The following LSM10 variants were observed in gnomAD, a reference collection of about 807,000 sequenced individuals.
LSM10 encodes the protein U7 snRNA-associated Sm-like protein LSm10.
A neutral mutation model predicts 5.2 loss-of-function variants in LSM10; 4 were observed. The ratio of observed to expected loss-of-function variants is 0.77; its 90% CI spans 0.38 to 1.77. The LOEUF (loss-of-function observed/expected upper bound fraction) is 1.77, where lower values mean the gene tolerates loss of function less well. Among genes scored for constraint, LSM10 ranks in the 40% most tolerant of loss-of-function variants. LSM10 has a pLI of 0.04. For missense variants in LSM10, 150 were observed against 171.6 expected, an observed-to-expected ratio of 0.87 and a Z score of 0.70; for synonymous variants, 63 against 67.4, an observed-to-expected ratio of 0.94 and a Z score of 0.32.
chr1:36,395,707 G>A (rs1439365531), intron 1 of LSM10, among the ~76,000 whole-genome samples: 1 of 151,802 alleles, frequency 6.6e-6, no homozygotes, highest in African/African-American at 2.4e-5. Flanking sequence ...GAATCCGGGA[G>A]GTGGAGGCTG....
intron 1 of LSM10, among the ~76,000 whole-genome samples, chr1:36,394,501 A>AT (rs1286830606): frequency 6.6e-6 from 1 of 152,038 alleles, no homozygotes; most frequent in African/African-American, 2.4e-5. Context: ...CCCAACTCTG[A>AT]TTTTTTAAAA....
intron 1 of LSM10, among the ~76,000 whole-genome samples, chr1:36,396,115 C>T (rs527797407): frequency 7.5e-6 from 1 of 132,918 alleles, no homozygotes; most frequent in Non-Finnish European, 1.7e-5. Context: ...CCCAGCTACT[C>T]GGGGGGCTGA....
intron 1 of LSM10, 69 bp downstream of exon 1, chr1:36,397,698 T>A (rs1647165438): frequency 6.6e-6 from 1 of 151,902 alleles, no homozygotes; most frequent in Non-Finnish European, 1.5e-5. Flanking sequence ...CTCCGGCACC[T>A]CCTTCCGGAG....
In LSM10 at chr1:36,393,955, A is replaced by AG; in HGVS notation, c.174dup (p.Tyr59LeufsTer13). 6.2e-7 allele frequency: 1 copy of AG among 1,614,260 alleles called. No homozygotes were observed. The highest frequency in any genetic ancestry group is 8.5e-7 in the Non-Finnish European group (1 of 1,180,040). On this transcript the variant is annotated frameshift_variant, in exon 2 of 2. Transcript: ENST00000315732. LOFTEE classifies it high-confidence loss of function. Reference sequence around the variant, plus strand: ...ACCTGATGCCCCCAACGGTCCGTGTAGGTGACTTTGGCCAGGCGGATGTTC... The same window carrying AG: ...ACCTGATGCCCCCAACGGTCCGTGTAGGGTGACTTTGGCCAGGCGGATGTTC...
At chr1:36,394,255 C>T (rs768883898) in intron 1 of LSM10, 102 bp from the exon 2 acceptor site, 8 of 1,126,054 alleles carry the variant, frequency 7.1e-6, no homozygotes, top group Non-Finnish European at 9.8e-6. Flanking sequence ...GCACAGACCA[C>T]CTCTGCAATT....
Position 36,393,661 on chromosome 1 carries a change from G to A in LSM10, c.*97C>T. ...GGACACCAGCTTCTGGCCTGGCCCTGCTTTCTTCTCGGGTACCAGACAGGG... is the reference window on the plus strand; with the variant it reads ...GGACACCAGCTTCTGGCCTGGCCCTACTTTCTTCTCGGGTACCAGACAGGG... On this transcript the variant is annotated 3_prime_UTR_variant, in exon 2 of 2. Coordinates refer to ENST00000315732, the MANE Select transcript of LSM10 (RefSeq NM_032881.3). The A allele has an allele frequency of 3.3e-6, 5 of 1,523,936 alleles. No individual in the cohort carries two copies. In the East Asian group the frequency reaches 9.0e-5, roughly 28 times the overall value. The allele number at this position is 1,523,936 out of a possible 1,614,324, so 94.4% of individuals were successfully genotyped here.
chr1:36,393,730 G>A lies in LSM10; in HGVS notation c.*28C>T, dbSNP rs537873381. The A allele has an allele frequency of 2.1e-5, 34 of 1,609,566 alleles. 1 individual carries two copies. In the African/African-American group the frequency reaches 4.1e-4, roughly 20 times the overall value. On this transcript the variant is annotated 3_prime_UTR_variant, in exon 2 of 2. Transcript: ENST00000315732. ...GCTCCGGAGATCACTGGAGGACTCC[G>A]AGTTGGGGCCAGGGCTTGCTGAGGG... is the stretch of plus-strand genomic sequence containing the variant.
At chr1:36,395,474 T>A (rs1156623478) in intron 1 of LSM10, among the ~76,000 whole-genome samples, 1 of 152,104 alleles carries the variant, frequency 6.6e-6, no homozygotes, top group Non-Finnish European at 1.5e-5. Flanking sequence ...GTGGAATTGC[T>A]GGAATTCAAA....
Position 36,394,038 on chromosome 1 carries a change from A to G in LSM10, c.92T>C (p.Val31Ala). The change falls in exon 2 of 2, where the codon GTG (valine) becomes GCG (alanine). Residue 31 changes from valine (V) to alanine (A), a missense_variant. Val to Ala is a moderately conservative substitution (Grantham distance 64). Transcript: ENST00000315732. ...LQGLQGRVTT[V>A]DLRDESVAHG... ...GGCCACGCTCTCATCCCGCAGGTCC[A>G]CAGTGGTTACCCGGCCCTGGAGGCC... 2 of 1,614,222 alleles carry G rather than the reference A, an allele frequency of 1.2e-6. No homozygotes were observed. Among genetic ancestry groups the G allele is most frequent in the Non-Finnish European group, 1.7e-6 (2 of 1,180,034 alleles).
intron 1 of LSM10, among the ~76,000 whole-genome samples, chr1:36,395,328 T>C (rs891619824): frequency 6.6e-6 from 1 of 152,198 alleles, no homozygotes; most frequent in South Asian, 2.1e-4. Context: ...ACATTGAGAA[T>C]GCAAGACAAA....
chr1:36,397,149 G>C (rs191689644), intron 1 of LSM10, among the ~76,000 whole-genome samples: 47 of 152,258 alleles, frequency 3.1e-4, no homozygotes, highest in African/African-American at 1.0e-3. Flanking sequence ...TTAAACTACA[G>C]GAGAAACAAA....
chr1:36,395,754 G>A (rs975552053), intron 1 of LSM10, among the ~76,000 whole-genome samples: 1 of 150,016 alleles, frequency 6.7e-6, no homozygotes, highest in Non-Finnish European at 1.5e-5. Context: ...CTCCAGCCTG[G>A]GTAACAGAGA....
At chr1:36,397,722 C>G (rs1647165505) in intron 1 of LSM10, 45 bp downstream of exon 1, 1 of 152,172 alleles carries the variant, frequency 6.6e-6, no homozygotes, top group Admixed American at 6.5e-5. Flanking sequence ...CTGGCATCCC[C>G]CGCATTCCGC....
At chr1:36,397,721 C>A (rs973391437) in intron 1 of LSM10, 46 bp downstream of exon 1, 1 of 152,324 alleles carries the variant, frequency 6.6e-6, no homozygotes. Flanking sequence ...CCTGGCATCC[C>A]CCGCATTCCG....
intron 1 of LSM10, among the ~76,000 whole-genome samples, chr1:36,395,163 C>G (rs114725890): frequency 1.3e-5 from 2 of 152,106 alleles, no homozygotes; most frequent in African/African-American, 4.8e-5. Flanking sequence ...GAAAAGGATG[C>G]CTTTTATGGC....
At chr1:36,395,505 G>A (rs969713211) in intron 1 of LSM10, among the ~76,000 whole-genome samples, 4 of 152,140 alleles carry the variant, frequency 2.6e-5, no homozygotes, top group East Asian at 1.9e-4. Flanking sequence ...CAGGCCGGGC[G>A]TGGTGGCTCC....
At chr1:36,396,415 C>G (rs1018722732) in intron 1 of LSM10, among the ~76,000 whole-genome samples, 1 of 152,220 alleles carries the variant, frequency 6.6e-6, no homozygotes. Context: ...ACATGACCCC[C>G]TACGTGAATT....
chr1:36,393,989 A>G lies in LSM10; in HGVS notation c.141T>C (p.Asp47=). ...TGGCCAGGCGGATGTTCATGAAAGC[A>G]TCGACATTGTCTATGCGTCCGTGGG... The part of the protein sequence containing the change: ...SVAHGRIDNV[D]AFMNIRLAKV... The change falls in exon 2 of 2, where the codon GAT becomes GAC. Residue 47 remains aspartate (D), a synonymous_variant. Coordinates refer to ENST00000315732, the MANE Select transcript of LSM10 (RefSeq NM_032881.3). 6.2e-7 allele frequency: 1 copy of G among 1,614,230 alleles called. No individual in the cohort carries two copies. Among genetic ancestry groups the G allele is most frequent in the Non-Finnish European group, 8.5e-7 (1 of 1,180,030 alleles).
rs1647139069 is a variant in LSM10, at chr1:36,393,844, G to C, written c.286C>G (p.Gln96Glu). 1.2e-6 allele frequency: 2 copies of C among 1,614,142 alleles called. No individual in the cohort carries two copies. The highest frequency in any genetic ancestry group is 2.7e-5 in the African/African-American group (2 of 74,946). The change falls in exon 2 of 2, where the codon CAG becomes GAG. Residue 96 changes from glutamine to glutamate, a missense_variant. Transcript: ENST00000315732. ...DDVNITSTIE[Q>E]QLQIIHRVRN... is the part of the protein sequence containing the mutation. ...ACCCGATGGATAATCTGCAGCTGCT[G>C]CTCAATGGTCGAGGTGATGTTCACG...
Sources: allele counts gnomAD v4.1 joint callset (sites outside exome capture counted in the v4.1 genomes callset), GRCh38; gene constraint gnomAD v4.1.1; transcripts MANE v1.5; gene names NCBI Gene and HGNC (gene_info 2026-07-23, HGNC 2026-07-21).